KANSL3: variants seen among roughly 807,000 people sequenced by gnomAD.
KANSL3 encodes the protein NSL complex protein NSL3.
KANSL3 carries 16 observed loss-of-function variants against 89.2 expected under a neutral mutation model. The observed-to-expected ratio is 0.18, with a 90% CI of 0.12 to 0.27. The LOEUF is 0.27. Among genes scored for constraint, KANSL3 ranks in the 10% least tolerant of loss-of-function variants. KANSL3 has a pLI of 1.00. For missense variants in KANSL3, 879 were observed against 1,110.6 expected (o/e 0.79, Z 2.96); for synonymous variants, 385 against 419.7 (o/e 0.92, Z 1.01).
chr2:96,600,395 T>C (rs1344814351), intron 20 of KANSL3: 2 of 916,592 alleles, frequency 2.2e-6, no homozygotes, highest in African/African-American at 1.8e-5. Context: ...ATTTTTATAA[T>C]TGAAAAAATA....
chr2:96,598,021 T>C (rs931906675), intron 20 of KANSL3: 16 of 799,888 alleles, frequency 2.0e-5, no homozygotes, highest in Non-Finnish European at 2.4e-5. Context: ...CTCAATGACC[T>C]CTACTCTCTT....
intron 12 of KANSL3, among the ~76,000 whole-genome samples, 179 bp from the exon 13 acceptor site, chr2:96,609,243 G>A (rs1204159450): frequency 1.3e-5 from 2 of 152,216 alleles, no homozygotes; most frequent in African/African-American, 4.8e-5. Context: ...TGTGGTTCAA[G>A]AAGACCAGCA....
At chr2:96,605,093 A>G (rs1326207548) in intron 15 of KANSL3, among the ~76,000 whole-genome samples, 10 of 152,246 alleles carry the variant, frequency 6.6e-5, no homozygotes, top group African/African-American at 2.4e-4. Context: ...AACAAAATAT[A>G]GGATGCTTTG....
chr2:96,586,156 C>T, the KANSL3 span, among the ~76,000 whole-genome samples: 5 of 148,718 alleles, frequency 3.4e-5, no homozygotes, highest in Non-Finnish European at 5.9e-5. Flanking sequence ...ACCCGGGAGG[C>T]GGAGCTTGCA....
At chr2:96,634,472 C>T (rs1044933924) in intron 2 of KANSL3, among the ~76,000 whole-genome samples, 5 of 151,412 alleles carry the variant, frequency 3.3e-5, no homozygotes, top group Admixed American at 1.3e-4. Context: ...GCCAAGATTG[C>T]GCCATTGCGC....
downstream of KANSL3, among the ~76,000 whole-genome samples, chr2:96,591,188 G>A (rs1015218238): frequency 2.6e-5 from 4 of 152,218 alleles, no homozygotes; most frequent in East Asian, 5.8e-4. Context: ...TCATATACAC[G>A]TAACAACTTG....
chr2:96,617,341 C>T (rs1012870394), intron 5 of KANSL3, among the ~76,000 whole-genome samples: 2 of 152,136 alleles, frequency 1.3e-5, no homozygotes, highest in African/African-American at 2.4e-5. Context: ...AAACTAGTGT[C>T]AAATTTCCTA....
chr2:96,604,461 G>A (rs1258684082), intron 16 of KANSL3, 81 bp from the exon 17 acceptor site: 1 of 1,492,758 alleles, frequency 6.7e-7, no homozygotes, highest in African/African-American at 1.4e-5. Flanking sequence ...TACAGAGTGG[G>A]GCCCAGCAAG....
chr2:96,612,373 AGAC>A lies in KANSL3; in HGVS notation c.1015-23_1015-21del, dbSNP rs780747787. 44 of 1,609,698 alleles carry A rather than the reference AGAC, an allele frequency of 2.7e-5. No homozygotes were observed. The highest frequency in any genetic ancestry group is 3.5e-5 in the Non-Finnish European group (41 of 1,176,078). Reference sequence around the variant, plus strand: ...GTGAATCTTCATGGGAAGAGAAAGAAGACAGTAAGACAGGAGGCCAAAGATAGG... The same window carrying A: ...GTGAATCTTCATGGGAAGAGAAAGAAAGTAAGACAGGAGGCCAAAGATAGG... On this transcript the variant is annotated intron_variant, in intron 8 of 20. Transcript: ENST00000431828.
At chr2:96,629,525 T>C (rs2073016165) in intron 3 of KANSL3, among the ~76,000 whole-genome samples, 1 of 152,222 alleles carries the variant, frequency 6.6e-6, no homozygotes, top group South Asian at 2.1e-4. Flanking sequence ...TTTCTCCATG[T>C]TGGTCAGGCT....
rs773531838 is a variant in KANSL3, at chr2:96,602,171, G to A, written c.2427C>T (p.Leu809=). The part of the protein sequence containing the change: ...AIHQLLTNGG[L]AKLASSLPGL... ...CAGGGAGGCTGCTTGCCAACTTAGCGAGGCCCCCATTGGTCAGCAGCTGGT... is the reference window on the plus strand; with the variant it reads ...CAGGGAGGCTGCTTGCCAACTTAGCAAGGCCCCCATTGGTCAGCAGCTGGT... Residue 809 remains leucine (L), a synonymous_variant, in exon 19 of 21, where the codon CTC becomes CTT. Coordinates refer to ENST00000431828, the MANE Select transcript of KANSL3 (RefSeq NM_001115016.3). 1.7e-5 allele frequency: 28 copies of A among 1,602,196 alleles called. No homozygotes were observed. Among genetic ancestry groups the A allele is most frequent in the Non-Finnish European group, 5.1e-6 (6 of 1,174,628 alleles).
At chr2:96,604,679 A>T (rs969476710) in intron 16 of KANSL3, 100 bp downstream of exon 16, 1 of 1,121,418 alleles carries the variant, frequency 8.9e-7, no homozygotes, top group African/African-American at 1.6e-5. Flanking sequence ...TCCAAAACTG[A>T]CAAGAATCCA....
At chr2:96,611,880 T>C (rs2069021662) in intron 9 of KANSL3, among the ~76,000 whole-genome samples, 1 of 141,702 alleles carries the variant, frequency 7.1e-6, no homozygotes, top group African/African-American at 2.7e-5. Context: ...ATCTTTTTTT[T>C]TTTTCCACAG....
chr2:96,581,015 C>A, the KANSL3 span, among the ~76,000 whole-genome samples: 98 of 152,348 alleles, frequency 6.4e-4, 1 homozygote, highest in African/African-American at 2.3e-3. Flanking sequence ...CTTCAACCAG[C>A]GGCTGTGCAG....
chr2:96,619,798 C>T (rs563057692), intron 3 of KANSL3, 36 bp from the exon 4 acceptor site: 1 of 1,467,304 alleles, frequency 6.8e-7, no homozygotes, highest in Admixed American at 2.0e-5. Flanking sequence ...TAGTCAAACC[C>T]TGGGGACGCT....
chr2:96,592,053 C>A (rs2066284881), downstream of KANSL3, among the ~76,000 whole-genome samples: 1 of 152,176 alleles, frequency 6.6e-6, no homozygotes, highest in African/African-American at 2.4e-5. Flanking sequence ...TGTCCCCATA[C>A]CCCTGAAGTT....
At chr2:96,632,498 T>A (rs1005163391) in intron 2 of KANSL3, among the ~76,000 whole-genome samples, 1 of 152,086 alleles carries the variant, frequency 6.6e-6, no homozygotes, top group Non-Finnish European at 1.5e-5. Context: ...GCAAGTTGAT[T>A]TGGCTCAAGC....
intron 14 of KANSL3, among the ~76,000 whole-genome samples, chr2:96,607,245 T>C (rs1241198324): frequency 2.0e-5 from 3 of 152,140 alleles, no homozygotes; most frequent in Admixed American, 6.5e-5. Flanking sequence ...CATGGGGCCA[T>C]GCCAAAACTC....
intron 2 of KANSL3, among the ~76,000 whole-genome samples, chr2:96,633,977 A>G (rs767404733): frequency 5.9e-5 from 9 of 152,270 alleles, no homozygotes; most frequent in Non-Finnish European, 1.0e-4. Flanking sequence ...GGTATAGAAC[A>G]TTCCTATTAT....
Sources: gnomAD v4.1 joint callset for allele counts (sites outside exome capture counted in the v4.1 genomes callset) on GRCh38, gnomAD v4.1.1 for gene constraint, MANE v1.5 for transcripts, NCBI Gene and HGNC (gene_info 2026-07-23, HGNC 2026-07-21) for gene names.